Variants in DLG2 observed in about 807,000 individuals in gnomAD.
The protein encoded by DLG2 is disks large homolog 2.
DLG2 carries 45 observed loss-of-function variants against 132.5 expected under a neutral mutation model. That is an observed-to-expected ratio of 0.34 (90% CI 0.27 to 0.44). DLG2 has a LOEUF of 0.44. Among genes scored for constraint, DLG2 ranks in the 20% least tolerant of loss-of-function variants. The pLI is 1.00. For missense variants in DLG2, 1,045 were observed against 1,196.9 expected (o/e 0.87, Z 1.87); for synonymous variants, 424 against 419.6 (o/e 1.01, Z -0.13).
At chr11:83,541,951 A>T in intron 19 of DLG2, 93 bp from the exon 20 acceptor site, 1 of 1,239,432 alleles carries the variant, frequency 8.1e-7, no homozygotes, top group Non-Finnish European at 1.1e-6. Context: ...TGCTCTGAGA[A>T]CCTATCATCA....
intron 3 of DLG2, among the ~76,000 whole-genome samples, chr11:85,294,458 T>G (rs2079100402): frequency 6.6e-6 from 1 of 152,032 alleles, no homozygotes; most frequent in African/African-American, 2.4e-5. Flanking sequence ...TGAGGTAGTA[T>G]AATTACTTGG....
chr11:84,984,320 C>T (rs1014817998), intron 6 of DLG2, among the ~76,000 whole-genome samples: 1 of 152,166 alleles, frequency 6.6e-6, no homozygotes, highest in South Asian at 2.1e-4. Context: ...GATTGGGACT[C>T]TATATTCAGC....
In DLG2 at chr11:85,594,095, C is replaced by T. The variant is rs145140610; in HGVS notation, c.40+4562G>A. On this transcript the variant is annotated intron_variant, in intron 3 of 27. Transcript: ENST00000376104. ...ATATAAAAAGGGGCAGAAGTATATT[C>T]GATTTACCATAAGGCAATGTGATAA... Among the ~76,000 whole-genome samples, 427 of 152,044 alleles carry T rather than the reference C, an allele frequency of 2.8e-3. 2 individuals carry two copies. Among genetic ancestry groups the T allele is most frequent in the African/African-American group, 9.7e-3 (404 of 41,486 alleles).
At chr11:83,635,465 G>A (rs1163573706) in intron 18 of DLG2, among the ~76,000 whole-genome samples, 1 of 152,058 alleles carries the variant, frequency 6.6e-6, no homozygotes, top group Admixed American at 6.6e-5. Context: ...GAAAAACACA[G>A]GATAAAAATT....
At chr11:84,249,148 G>T (rs554661497) in intron 8 of DLG2, among the ~76,000 whole-genome samples, 2 of 152,174 alleles carry the variant, frequency 1.3e-5, no homozygotes, top group Non-Finnish European at 2.9e-5. Context: ...CAAGAAAGTG[G>T]TCTTACTTAC....
rs577263906 is a variant in DLG2, at chr11:84,767,141, A to G, written c.358-232410T>C. ...GTTTGAGTGTATTTTAAGTATAACC[A>G]TATTTTAACATATTTAGCACAAAGT... On this transcript the variant is annotated intron_variant, in intron 6 of 27. Transcript: ENST00000376104. 2.0e-5 allele frequency among the ~76,000 whole-genome samples: 3 copies of G among 152,200 alleles called. No individual in the cohort carries two copies. The South Asian group carries it at 6.2e-4, about 32-fold the overall frequency.
intron 11 of DLG2, among the ~76,000 whole-genome samples, chr11:84,019,022 G>C (rs2095306441): frequency 6.6e-6 from 1 of 152,026 alleles, no homozygotes; most frequent in Non-Finnish European, 1.5e-5. Context: ...TAGGCATGTA[G>C]AAGTGTTCTG....
At position 84,971,421 on chromosome 11, in the gene DLG2, T is replaced by A. The variant is rs535107707; in HGVS notation, c.357+140240A>T. On this transcript the variant is annotated intron_variant, in intron 6 of 27. Transcript: ENST00000376104. ...ATGAATACATTGTGAGTTATGCTGA[T>A]AAAAGTTGAGATTAGATTTTACGCA... Among the ~76,000 whole-genome samples, 12 of 152,302 alleles carry A rather than the reference T, an allele frequency of 7.9e-5. No homozygotes were observed. The East Asian group carries it at 2.3e-3, about 29-fold the overall frequency.
intron 7 of DLG2, among the ~76,000 whole-genome samples, chr11:84,253,151 C>T (rs2097412920): frequency 6.6e-6 from 1 of 151,964 alleles, no homozygotes; most frequent in South Asian, 2.1e-4. Context: ...TGGAGAAAGA[C>T]AGTTTTTACT....
chr11:84,208,672 T>C (rs1282999587), intron 8 of DLG2, among the ~76,000 whole-genome samples: 1 of 152,004 alleles, frequency 6.6e-6, no homozygotes, highest in Non-Finnish European at 1.5e-5. Context: ...TAAAAAATAA[T>C]GAAAGAAAAA....
At chr11:83,991,502 C>T (rs1191895768) in intron 11 of DLG2, among the ~76,000 whole-genome samples, 1 of 152,142 alleles carries the variant, frequency 6.6e-6, no homozygotes, top group Admixed American at 6.6e-5. Flanking sequence ...AAATCTTCCC[C>T]TGCACGTTAG....
chr11:84,579,884 T>C (rs2099512370), intron 6 of DLG2, among the ~76,000 whole-genome samples: 1 of 152,152 alleles, frequency 6.6e-6, no homozygotes, highest in African/African-American at 2.4e-5. Context: ...ACTTGGTGGC[T>C]GGTGGAATGT....
chr11:83,657,614 C>A (rs2072974688), intron 18 of DLG2, among the ~76,000 whole-genome samples: 1 of 146,992 alleles, frequency 6.8e-6, no homozygotes, highest in African/African-American at 2.5e-5. Context: ...TCTCGGCTCA[C>A]TGCAAGATCT....
intron 4 of DLG2, among the ~76,000 whole-genome samples, chr11:85,154,912 T>G (rs1005656126): frequency 6.6e-6 from 1 of 152,138 alleles, no homozygotes; most frequent in Non-Finnish European, 1.5e-5. Flanking sequence ...CATGGGCTAT[T>G]CAAAAGTAAA....
rs558773747 is a variant in DLG2 at position 84,366,544 on chromosome 11, A to T, written c.520-115253T>A. ...AAATTGGATAGAGTCAAGACCCATC[A>T]GTGTGTTGTATTCAGGAAACCCATC... On this transcript the variant is annotated intron_variant, in intron 7 of 27. Transcript: ENST00000376104. Among the ~76,000 whole-genome samples the T allele has an allele frequency of 2.8e-3, 427 of 152,252 alleles. 1 individual carries two copies. The highest frequency in any genetic ancestry group is 9.7e-3 in the African/African-American group (404 of 41,550).
chr11:85,049,230 T>C (rs2062654513), intron 6 of DLG2, among the ~76,000 whole-genome samples: 3 of 152,012 alleles, frequency 2.0e-5, no homozygotes. Flanking sequence ...AGTCTCGTGG[T>C]ACCAATTATA....
intron 7 of DLG2, among the ~76,000 whole-genome samples, chr11:84,379,565 A>G (rs2098742156): frequency 6.6e-6 from 1 of 152,150 alleles, no homozygotes; most frequent in South Asian, 2.1e-4. Context: ...TTCAAGATGT[A>G]GAAACATAGG....
intron 8 of DLG2, among the ~76,000 whole-genome samples, chr11:84,228,367 T>C (rs1485425603): frequency 6.6e-6 from 1 of 152,230 alleles, no homozygotes; most frequent in African/African-American, 2.4e-5. Context: ...TTGGCACTTA[T>C]TCAATTGGTG....
At chr11:84,515,109 A>T (rs572981332) in intron 7 of DLG2, among the ~76,000 whole-genome samples, 1 of 152,068 alleles carries the variant, frequency 6.6e-6, no homozygotes, top group South Asian at 2.1e-4. Context: ...TCACTTAGCC[A>T]CAAAGCAAGA....
Sources: gnomAD v4.1 joint callset for allele counts (sites outside exome capture counted in the v4.1 genomes callset) on GRCh38, gnomAD v4.1.1 for gene constraint, MANE v1.5 for transcripts, NCBI Gene and HGNC (gene_info 2026-07-23, HGNC 2026-07-21) for gene names.